Variants in CHRM3 observed in about 807,000 individuals in gnomAD.
CHRM3 encodes muscarinic acetylcholine receptor M3.
CHRM3 carries 11 observed loss-of-function variants against 41.8 expected under a neutral mutation model. That is an observed-to-expected ratio of 0.26 (90% CI 0.17 to 0.44). The LOEUF (loss-of-function observed/expected upper bound fraction) is 0.44, where lower values mean the gene tolerates loss of function less well. Among genes scored for constraint, CHRM3 ranks in the 20% least tolerant of loss-of-function variants. The pLI is 1.00. For synonymous variants in CHRM3, 297 were observed against 301.4 expected (o/e 0.99, Z 0.15); for missense variants, 571 against 745.4 (o/e 0.77, Z 2.72).
rs371633064 is a variant in CHRM3, at chr1:239,610,742, C to T, written c.-312-21482C>T. ...CCACCCTCTGTGCTTTTGTAAAACA[C>T]TCAACTGTTTTCTTTTAAGAAATGC... On this transcript the variant is annotated intron_variant, in intron 3 of 6. Coordinates refer to ENST00000676153, the MANE Select transcript of CHRM3 (RefSeq NM_001375978.1). Among the ~76,000 whole-genome samples the T allele has an allele frequency of 2.6e-5, 4 of 152,294 alleles. No individual in the cohort carries two copies. In the East Asian group the frequency reaches 5.8e-4, roughly 22 times the overall value.
chr1:239,775,283 G>A (rs1207592247), intron 5 of CHRM3, among the ~76,000 whole-genome samples: 6 of 152,078 alleles, frequency 3.9e-5, no homozygotes, highest in Non-Finnish European at 7.4e-5. Flanking sequence ...TGTCTGAAAA[G>A]CATTTGGGAA....
chr1:239,882,308 G>A (rs1436481211), intron 6 of CHRM3, among the ~76,000 whole-genome samples: 1 of 152,168 alleles, frequency 6.6e-6, no homozygotes, highest in African/African-American at 2.4e-5. Context: ...CTGGCGTGCA[G>A]GTGATTGTTA....
chr1:239,472,442 T>G (rs1481195249), intron 1 of CHRM3, among the ~76,000 whole-genome samples: 9 of 152,212 alleles, frequency 5.9e-5, no homozygotes, highest in African/African-American at 1.7e-4. Flanking sequence ...TGATGTGCCA[T>G]GTTCATTGTT....
intron 5 of CHRM3, among the ~76,000 whole-genome samples, chr1:239,725,005 G>A (rs894545938): frequency 1.3e-5 from 2 of 151,790 alleles, no homozygotes; most frequent in Admixed American, 6.6e-5. Context: ...CCTCTGCTAT[G>A]CCTGTGTGCA....
At position 239,889,757 on chromosome 1, in the gene CHRM3, A is replaced by G. The variant is rs995869984; in HGVS notation, c.-19-17676A>G. Among the ~76,000 whole-genome samples the G allele has an allele frequency of 7.2e-5, 11 of 152,284 alleles. 1 individual carries two copies. Among genetic ancestry groups the G allele is most frequent in the African/African-American group, 2.2e-4 (9 of 41,552 alleles). On this transcript the variant is annotated intron_variant, in intron 6 of 6. Coordinates refer to ENST00000676153, the MANE Select transcript of CHRM3 (RefSeq NM_001375978.1). Reference sequence around the variant, plus strand: ...GGCTGAGGCTGTGCTTATGAGCTCAATCAGAAATTTAACCAATTTTAAATG... The same window carrying G: ...GGCTGAGGCTGTGCTTATGAGCTCAGTCAGAAATTTAACCAATTTTAAATG...
intron 1 of CHRM3, among the ~76,000 whole-genome samples, chr1:239,469,738 G>A (rs192171844): frequency 3.6e-4 from 55 of 152,146 alleles, no homozygotes; most frequent in Non-Finnish European, 7.2e-4. Context: ...TGTACTTTTA[G>A]TAGAGAGGTG....
intron 5 of CHRM3, among the ~76,000 whole-genome samples, chr1:239,766,678 GA>G (rs1667242719): frequency 4.0e-5 from 1 of 25,162 alleles, no homozygotes; most frequent in Non-Finnish European, 2.2e-4. Context: ...TAGATATATA[GA>G]TATAGATATA....
chr1:239,397,645 C>A (rs1333701826), intron 1 of CHRM3, among the ~76,000 whole-genome samples: 1 of 150,262 alleles, frequency 6.7e-6, no homozygotes, highest in Non-Finnish European at 1.5e-5. Context: ...GCACTCCAGC[C>A]CGGGCAACAG....
intron 1 of CHRM3, among the ~76,000 whole-genome samples, chr1:239,471,986 G>T (rs1353645685): frequency 6.6e-6 from 1 of 151,836 alleles, no homozygotes; most frequent in Non-Finnish European, 1.5e-5. Context: ...GTTTTGTTTT[G>T]TTGCTTGCCT....
chr1:239,718,545 T>A (rs1662620692), intron 5 of CHRM3, among the ~76,000 whole-genome samples: 1 of 152,024 alleles, frequency 6.6e-6, no homozygotes, highest in Non-Finnish European at 1.5e-5. Context: ...TTTTGTACAC[T>A]TTTTCAGAGG....
chr1:239,587,765 T>C (rs4376722), intron 3 of CHRM3, among the ~76,000 whole-genome samples: 118,718 of 152,188 alleles, frequency 0.78, 50,630 homozygotes, highest in Non-Finnish European at 0.93. Flanking sequence ...TACAAAAGTG[T>C]AGTCTGGCCA....
intron 5 of CHRM3, among the ~76,000 whole-genome samples, chr1:239,742,127 G>A (rs1327806087): frequency 6.6e-6 from 1 of 151,762 alleles, no homozygotes; most frequent in African/African-American, 2.4e-5. Context: ...TATAGCTTTG[G>A]ATAAACTTGA....
At chr1:239,426,340 T>C (rs73114781) in intron 1 of CHRM3, among the ~76,000 whole-genome samples, 369 of 151,244 alleles carry the variant, frequency 2.4e-3, no homozygotes, top group African/African-American at 8.6e-3. Flanking sequence ...TAGCTTGAAA[T>C]TGGCAATGTT....
At chr1:239,443,922 C>T (rs1289891979) in intron 1 of CHRM3, among the ~76,000 whole-genome samples, 3 of 152,150 alleles carry the variant, frequency 2.0e-5, no homozygotes, top group African/African-American at 7.2e-5. Context: ...TACTTTGGCT[C>T]TTTTGTGTGA....
chr1:239,820,715 A>G lies in CHRM3; in HGVS notation c.-146-6537A>G, dbSNP rs553937667. On this transcript the variant is annotated intron_variant, in intron 5 of 6. Transcript: ENST00000676153. ...ATGCCATGTTGGTCTTCAAGACAAC[A>G]AAACAGGTGACCAAAAGTTGTGCCC... Among the ~76,000 whole-genome samples the G allele has an allele frequency of 3.3e-5, 5 of 152,296 alleles. No homozygotes were observed. In the South Asian group the frequency reaches 1.0e-3, roughly 32 times the overall value.
chr1:239,575,055 T>A (rs1174010111), intron 3 of CHRM3, among the ~76,000 whole-genome samples: 3 of 152,226 alleles, frequency 2.0e-5, no homozygotes, highest in Admixed American at 6.5e-5. Context: ...CTGATTCTGA[T>A]GTAAAAATAA....
chr1:239,539,913 G>T (rs1019996681), intron 2 of CHRM3, among the ~76,000 whole-genome samples: 2 of 152,176 alleles, frequency 1.3e-5, no homozygotes, highest in Non-Finnish European at 2.9e-5. Context: ...CACTGCGCTG[G>T]CCAAATGCCA....
At chr1:239,742,847 C>T (rs1236103798) in intron 5 of CHRM3, among the ~76,000 whole-genome samples, 1 of 152,188 alleles carries the variant, frequency 6.6e-6, no homozygotes, top group East Asian at 1.9e-4. Context: ...ACCATGACCT[C>T]GTGATAGCTG....
rs79258705 is a variant in CHRM3, at chr1:239,485,226, C to A, written c.-520-7483C>A. 1.1e-3 allele frequency among the ~76,000 whole-genome samples: 174 copies of A among 152,264 alleles called. 4 individuals carry two copies. The East Asian group carries it at 0.027, about 24-fold the overall frequency. ...TGTGGCACACTGGGAATCCAGCCAT[C>A]CCAAAGGGGAGACCCTACTCAGCTC... On this transcript the variant is annotated intron_variant, in intron 1 of 6. Transcript: ENST00000676153.
Sources: allele counts gnomAD v4.1 joint callset (sites outside exome capture counted in the v4.1 genomes callset), GRCh38; gene constraint gnomAD v4.1.1; transcripts MANE v1.5; gene names NCBI Gene and HGNC (gene_info 2026-07-23, HGNC 2026-07-21).